LY75: variants seen among roughly 807,000 people sequenced by gnomAD.
The protein encoded by LY75 is C-type lectin domain family 13 member B.
In LY75, 185 loss-of-function variants were observed where a neutral mutation model predicts 231.7. The ratio of observed to expected loss-of-function variants is 0.80; its 90% CI spans 0.71 to 0.90. The LOEUF (loss-of-function observed/expected upper bound fraction) is 0.90, where lower values mean the gene tolerates loss of function less well. Among genes scored for constraint, LY75 ranks in the 40% least tolerant of loss-of-function variants. The probability of loss-of-function intolerance (pLI) is 0.00; values close to 1 mark genes in which losing one functional copy is unlikely to be tolerated. For missense variants in LY75, 1,947 were observed against 2,050.2 expected (o/e 0.95, Z 0.97); for synonymous variants, 668 against 689.0 (o/e 0.97, Z 0.48).
At chr2:159,861,891 A>T (rs145632872) in intron 14 of LY75, among the ~76,000 whole-genome samples, 2 of 152,254 alleles carry the variant, frequency 1.3e-5, no homozygotes, top group African/African-American at 4.8e-5. Flanking sequence ...GATGTGGCTC[A>T]CACCTGTAAT....
intron 24 of LY75, among the ~76,000 whole-genome samples, chr2:159,841,779 T>G (rs1361288871): frequency 2.6e-5 from 4 of 151,880 alleles, no homozygotes; most frequent in Non-Finnish European, 5.9e-5. Context: ...TTTCTCCTTT[T>G]CCCATAATAA....
chr2:159,899,206 G>A (rs1560107810), intron 1 of LY75, 147 bp from the exon 2 acceptor site: 2 of 1,431,348 alleles, frequency 1.4e-6, no homozygotes, highest in Non-Finnish European at 1.9e-6. Flanking sequence ...ACAAAAGGTG[G>A]GACAGTGGTG....
At chr2:159,806,312 T>C (rs569869147) in intron 34 of LY75, among the ~76,000 whole-genome samples, 2 of 152,350 alleles carry the variant, frequency 1.3e-5, no homozygotes, top group South Asian at 4.1e-4. Context: ...CTCTATTTAC[T>C]GTCTCAGTGT....
chr2:159,858,395 T>C lies in LY75; in HGVS notation c.2350A>G (p.Thr784Ala), dbSNP rs116003141. 16,895 of 1,613,650 alleles carry C rather than the reference T, an allele frequency of 0.01. 139 individuals carry two copies. The highest frequency in any genetic ancestry group is 0.037 in the Admixed American group (2,231 of 59,916). Reference sequence around the variant, plus strand: ...ATTTGGCACACCCATTCAAGTTTTGTATCACAAGCAAAAGGCCTCAAATAA... The same window carrying C: ...ATTTGGCACACCCATTCAAGTTTTGCATCACAAGCAAAAGGCCTCAAATAA... ...FIYLRPFACD[T>A]KLEWVCQIPK... Residue 784 changes from threonine to alanine, a missense_variant, in exon 16 of 35, where the codon ACA (threonine) becomes GCA (alanine). Transcript: ENST00000263636.
chr2:159,884,432 C>T (rs1324132422), intron 6 of LY75, among the ~76,000 whole-genome samples: 3 of 152,166 alleles, frequency 2.0e-5, no homozygotes, highest in African/African-American at 7.2e-5. Context: ...CACCCTTCCA[C>T]TCCTCAAAAA....
chr2:159,874,914 A>AAATATATTTATAAATATATATATTG (rs1560094388), intron 12 of LY75, among the ~76,000 whole-genome samples: 1 of 126,852 alleles, frequency 7.9e-6, no homozygotes, highest in Non-Finnish European at 1.6e-5. Flanking sequence ...TATATATTTT[A>AAATATATTTATAAATATATATATTG]TAAATATATT....
Position 159,850,086 on chromosome 2 carries a change from C to T in LY75, c.3044G>A (p.Arg1015His), listed in dbSNP as rs758659085. 14 of 1,613,724 alleles carry T rather than the reference C, an allele frequency of 8.7e-6. No homozygotes were observed. The highest frequency in any genetic ancestry group is 6.7e-5 in the Admixed American group (4 of 59,958). ...GTTTATCTTTTCATAGGCAGTCCAGCGCAAACCAATCCATAAAGTAGCTTC... is the reference window on the plus strand; with the variant it reads ...GTTTATCTTTTCATAGGCAGTCCAGTGCAAACCAATCCATAAAGTAGCTTC... ...DMEATLWIGL[R>H]WTAYEKINKW... Residue 1015 changes from arginine (R) to histidine (H), a missense_variant, in exon 23 of 35, where the codon CGC becomes CAC. Physicochemically the swap from Arg to His is conservative, Grantham distance 29. Coordinates refer to ENST00000263636, the MANE Select transcript of LY75 (RefSeq NM_002349.4).
chr2:159,877,025 A>G (rs1370496958), intron 11 of LY75, among the ~76,000 whole-genome samples: 7 of 150,386 alleles, frequency 4.7e-5, no homozygotes, highest in African/African-American at 1.5e-4. Flanking sequence ...AAAAAAAAAA[A>G]AAAAAAAAAG....
rs781108328 is a variant in LY75, at chr2:159,819,813, C to A, written c.4066G>T (p.Gly1356Cys). 6.2e-6 allele frequency: 10 copies of A among 1,613,942 alleles called. No individual in the cohort carries two copies. Among genetic ancestry groups the A allele is most frequent in the Non-Finnish European group, 7.6e-6 (9 of 1,179,990 alleles). Residue 1356 changes from glycine (G) to cysteine (C), a missense_variant, in exon 29 of 35, where the codon GGC becomes TGC. Transcript: ENST00000263636. ...TTAAAGGTTTGAATATCCCAGAAGC[C>A]GTCAGTACTTAAACCAGCCAAAAAC... ...EKFLAGLSTD[G>C]FWDIQTFKVI...
chr2:159,815,427 A>G lies in LY75; in HGVS notation c.4527T>C (p.Ala1509=). 1 of 1,604,800 alleles carries G rather than the reference A, an allele frequency of 6.2e-7. No individual in the cohort carries two copies. The highest frequency in any genetic ancestry group is 1.1e-5 in the South Asian group (1 of 89,454). The change falls in exon 31 of 35, where the codon GCT becomes GCC. Residue 1509 remains alanine, a synonymous_variant. Coordinates refer to ENST00000263636, the MANE Select transcript of LY75 (RefSeq NM_002349.4). ...TACATTTTGTAGGTTTATAACAAATAGCACCATCCTTAACAGAGTTGCATT... is the reference window on the plus strand; with the variant it reads ...TACATTTTGTAGGTTTATAACAAATGGCACCATCCTTAACAGAGTTGCATT... ...HEKCNSVKDG[A]ICYKPTKSKK... is the part of the protein sequence containing the mutation.
At chr2:159,886,231 A>C (rs1307923661) in intron 5 of LY75, among the ~76,000 whole-genome samples, 189 bp downstream of exon 5, 1 of 152,188 alleles carries the variant, frequency 6.6e-6, no homozygotes, top group Non-Finnish European at 1.5e-5. Context: ...TCAGTTGTCC[A>C]TGGTGTGGTT....
intron 1 of LY75, chr2:159,903,557 T>G (rs1401906294): frequency 6.6e-6 from 1 of 152,192 alleles, no homozygotes. Flanking sequence ...AGAAATCTCT[T>G]CCCATCGCTC....
At chr2:159,836,271 G>A (rs1438316463) in intron 25 of LY75, among the ~76,000 whole-genome samples, 4 of 152,122 alleles carry the variant, frequency 2.6e-5, no homozygotes, top group Non-Finnish European at 4.4e-5. Flanking sequence ...CGCAACCCAG[G>A]GGCTAGCTGG....
At chr2:159,807,880 C>T in intron 33 of LY75, 2 of 985,262 alleles carry the variant, frequency 2.0e-6, no homozygotes, top group Non-Finnish European at 2.4e-6. Flanking sequence ...CACAAATTTT[C>T]TTTGAATCAA....
intron 13 of LY75, among the ~76,000 whole-genome samples, chr2:159,867,729 A>T (rs1684898016): frequency 6.6e-6 from 1 of 152,150 alleles, no homozygotes; most frequent in Admixed American, 6.6e-5. Flanking sequence ...TTCTTGCCAC[A>T]TCACAGGGGG....
Position 159,885,306 on chromosome 2 carries a change from C to T in LY75, c.914-13G>A, listed in dbSNP as rs1415282979. ...GCACTGGGCCTGTCTTAAAAGGGAA[C>T]ATTTTTCAAAGCATTAGAATGAGAA... On this transcript the variant is annotated splice_polypyrimidine_tract_variant and intron_variant, in intron 5 of 34. Transcript: ENST00000263636. 1 of 1,608,886 alleles carries T rather than the reference C, an allele frequency of 6.2e-7. No homozygotes were observed. Among genetic ancestry groups the T allele is most frequent in the East Asian group, 2.2e-5 (1 of 44,832 alleles).
intron 24 of LY75, 82 bp downstream of exon 24, chr2:159,842,163 T>C: frequency 6.7e-7 from 1 of 1,485,342 alleles, no homozygotes; most frequent in African/African-American, 1.7e-5. Flanking sequence ...CCTCCCTCCC[T>C]ATAGAAAGTG....
rs777671438 is a variant in LY75 at position 159,808,447 on chromosome 2, A to G, written c.4822+2T>C. ...CACTACACATACAATTATTTCACTT[A>G]CCAACAGAATGTTGAGATAATCCAA... On this transcript the variant is annotated splice_donor_variant, in intron 33 of 34. Coordinates refer to ENST00000263636, the MANE Select transcript of LY75 (RefSeq NM_002349.4). LOFTEE classifies it high-confidence loss of function. The G allele has an allele frequency of 1.2e-6, 2 of 1,613,780 alleles. No homozygotes were observed. The highest frequency in any genetic ancestry group is 4.5e-5 in the East Asian group (2 of 44,794).
At chr2:159,831,516 T>C (rs1357478897) in intron 28 of LY75, among the ~76,000 whole-genome samples, 154 bp downstream of exon 28, 4 of 152,250 alleles carry the variant, frequency 2.6e-5, no homozygotes, top group Non-Finnish European at 4.4e-5. Flanking sequence ...AGCAGAGACA[T>C]AAAAACTGTC....
Sources: allele counts gnomAD v4.1 joint callset (sites outside exome capture counted in the v4.1 genomes callset), GRCh38; gene constraint gnomAD v4.1.1; transcripts MANE v1.5; gene names NCBI Gene and HGNC (gene_info 2026-07-23, HGNC 2026-07-21).